TP73: variants seen among roughly 807,000 people sequenced by gnomAD.
The protein encoded by TP73 is p53-like transcription factor.
TP73 carries 25 observed loss-of-function variants against 62.5 expected under a neutral mutation model. That is an observed-to-expected ratio of 0.40 (90% confidence interval 0.29 to 0.56). The LOEUF (loss-of-function observed/expected upper bound fraction) is 0.56. Ranked by LOEUF, TP73 falls within the 20% of genes least tolerant of loss-of-function variation. The pLI, the probability that TP73 is intolerant of heterozygous loss-of-function variation, is 0.46. For missense variants in TP73, 754 were observed against 913.3 expected (o/e 0.83, Z 2.25); for synonymous variants, 423 against 377.5 (o/e 1.12, Z -1.40).
intron 1 of TP73, among the ~76,000 whole-genome samples, chr1:3,658,430 ATG>A (rs1432999053): frequency 6.6e-6 from 1 of 152,188 alleles, no homozygotes; most frequent in Non-Finnish European, 1.5e-5. Context: ...AGCGGTGCAG[ATG>A]TCCGTCCTCT....
intron 6 of TP73, among the ~76,000 whole-genome samples, chr1:3,725,731 GATA>G (rs1641470903): frequency 2.0e-5 from 2 of 99,616 alleles, no homozygotes; most frequent in Non-Finnish European, 4.0e-5. Context: ...TGGATGGATA[GATA>G]ATAAATGGGG....
At chr1:3,731,097 C>CA in intron 12 of TP73, 32 bp downstream of exon 12, 1 of 1,597,822 alleles carries the variant, frequency 6.3e-7, no homozygotes. Flanking sequence ...TGAGCATGTG[C>CA]TGTCACCCTG....
intron 6 of TP73, among the ~76,000 whole-genome samples, chr1:3,726,850 TG>T (rs1358737307): frequency 7.1e-6 from 1 of 141,190 alleles, no homozygotes; most frequent in East Asian, 2.1e-4. Flanking sequence ...GGTGGATGGA[TG>T]GGGTTGGTGG....
At chr1:3,729,776 T>C (rs1003427567) in intron 10 of TP73, 1 of 748,468 alleles carries the variant, frequency 1.3e-6, no homozygotes. Context: ...GCACAGGTCA[T>C]CCCCCTGCCT....
chr1:3,675,472 C>T lies in TP73; in HGVS notation c.-33-6861C>T, dbSNP rs147190637. On this transcript the variant is annotated intron_variant, in intron 1 of 13. Coordinates refer to ENST00000378295, the MANE Select transcript of TP73 (RefSeq NM_005427.4). Reference sequence around the variant, plus strand: ...TGTTTGCTTTAGGGGTGGCCCGGGGCGGGTGGAGTTCCTGGGGGCTTTTCC... The same window carrying T: ...TGTTTGCTTTAGGGGTGGCCCGGGGTGGGTGGAGTTCCTGGGGGCTTTTCC... Among the ~76,000 whole-genome samples the T allele has an allele frequency of 6.6e-3, 1,010 of 152,250 alleles. 36 individuals are homozygous for T. The highest frequency in any genetic ancestry group is 0.061 in the Admixed American group (934 of 15,304).
intron 1 of TP73, among the ~76,000 whole-genome samples, chr1:3,676,779 C>T (rs1259914206): frequency 6.6e-6 from 1 of 151,914 alleles, no homozygotes; most frequent in Non-Finnish European, 1.5e-5. Context: ...GAGCCTGAGG[C>T]CCTGCAAAGT....
chr1:3,725,443 A>G lies in TP73; in HGVS notation c.733-1672A>G, dbSNP rs556359131. On this transcript the variant is annotated intron_variant, in intron 6 of 13. Transcript: ENST00000378295. Reference sequence around the variant, plus strand: ...GATGGATGGGTAGGTAGGTGGGTGGATGGATGGATGGATAAATGGGGTGGG... The same window carrying G: ...GATGGATGGGTAGGTAGGTGGGTGGGTGGATGGATGGATAAATGGGGTGGG... Among the ~76,000 whole-genome samples the G allele has an allele frequency of 1.5e-3, 202 of 130,778 alleles. 2 individuals are homozygous for G. The highest frequency in any genetic ancestry group is 5.9e-3 in the African/African-American group (183 of 30,776). The allele number at this position is 130,778 out of a possible 152,430, so 85.8% of individuals were successfully genotyped here.
chr1:3,686,506 A>G (rs1165194305), intron 3 of TP73, among the ~76,000 whole-genome samples: 2 of 152,034 alleles, frequency 1.3e-5, no homozygotes, highest in Non-Finnish European at 1.5e-5. Flanking sequence ...GCTCTGCCCA[A>G]CCCCGTGGGC....
chr1:3,718,210 C>CCGGGG lies in TP73; in HGVS notation c.430-3794_430-3790dup, dbSNP rs575938054. Reference sequence around the variant, plus strand: ...GCTCCCGGCGCGCCCAAGCTCCTCCCCGGGGCGGGGCGGGGCGGGGCATCC... The same window carrying CCGGGG: ...GCTCCCGGCGCGCCCAAGCTCCTCCCCGGGGCGGGGCGGGGCGGGGCGGGGCATCC... On this transcript the variant is annotated intron_variant, in intron 4 of 13. Coordinates refer to ENST00000378295, the MANE Select transcript of TP73 (RefSeq NM_005427.4). Among the ~76,000 whole-genome samples the CCGGGG allele has an allele frequency of 8.8e-4, 134 of 152,314 alleles. 1 individual carries two copies. The highest frequency in any genetic ancestry group is 2.4e-3 in the African/African-American group (101 of 41,564).
intron 3 of TP73, among the ~76,000 whole-genome samples, chr1:3,691,254 T>C (rs1039672399): frequency 1.3e-5 from 2 of 152,176 alleles, no homozygotes; most frequent in African/African-American, 4.8e-5. Flanking sequence ...GGGTCTCTGA[T>C]GCTCCTTGGC....
intron 3 of TP73, among the ~76,000 whole-genome samples, chr1:3,702,688 C>T (rs1639273551): frequency 6.6e-6 from 1 of 152,252 alleles, no homozygotes; most frequent in Admixed American, 6.5e-5. Context: ...GCGGGAAGGC[C>T]ACCCGCTGGC....
chr1:3,669,919 T>G (rs1431269432), intron 1 of TP73, among the ~76,000 whole-genome samples: 1 of 152,210 alleles, frequency 6.6e-6, no homozygotes, highest in Non-Finnish European at 1.5e-5. Flanking sequence ...AATAGGTGTG[T>G]CCATGTGCAT....
chr1:3,702,476 C>G (rs1639251750), intron 3 of TP73, among the ~76,000 whole-genome samples: 1 of 152,150 alleles, frequency 6.6e-6, no homozygotes. Context: ...ACCCCAGCCC[C>G]CAGCCCCCAG....
chr1:3,674,997 C>T (rs1187204896), intron 1 of TP73, among the ~76,000 whole-genome samples: 2 of 151,788 alleles, frequency 1.3e-5, no homozygotes, highest in African/African-American at 4.8e-5. Context: ...ACGGTCTCCT[C>T]CCACAATGGC....
intron 4 of TP73, among the ~76,000 whole-genome samples, chr1:3,718,098 C>T (rs1011365155): frequency 1.1e-4 from 16 of 152,154 alleles, no homozygotes; most frequent in Admixed American, 5.2e-4. Context: ...AAGACCTGTC[C>T]GTTCTAGGCC....
In TP73 at chr1:3,719,318, C is replaced by A. The variant is rs182218507; in HGVS notation, c.430-2703C>A. ...TGTGCTCTGCACACAAGAGGTGCTC[C>A]ATAAATGCTCAGCAATGGGCAGCTC... is the stretch of plus-strand genomic sequence containing the variant. On this transcript the variant is annotated intron_variant, in intron 4 of 13. Coordinates refer to ENST00000378295, the MANE Select transcript of TP73 (RefSeq NM_005427.4). 2.0e-5 allele frequency among the ~76,000 whole-genome samples: 3 copies of A among 152,338 alleles called. No individual in the cohort carries two copies. In the East Asian group the frequency reaches 5.8e-4, roughly 29 times the overall value.
intron 4 of TP73, among the ~76,000 whole-genome samples, chr1:3,709,166 G>T (rs1466974584): frequency 1.3e-5 from 2 of 152,206 alleles, no homozygotes; most frequent in Non-Finnish European, 2.9e-5. Flanking sequence ...CCCACCTGCG[G>T]TTGTTTCTGA....
intron 3 of TP73, among the ~76,000 whole-genome samples, chr1:3,687,467 C>T (rs1463342113): frequency 1.3e-5 from 2 of 152,200 alleles, no homozygotes; most frequent in Admixed American, 6.5e-5. Flanking sequence ...CCTATCCTCA[C>T]CCGGACCCAC....
At chr1:3,668,034 G>C (rs1334501045) in intron 1 of TP73, among the ~76,000 whole-genome samples, 1 of 152,210 alleles carries the variant, frequency 6.6e-6, no homozygotes, top group Non-Finnish European at 1.5e-5. Flanking sequence ...AGCTGCTATT[G>C]CTCCTCCTGT....
Sources: allele counts gnomAD v4.1 joint callset (sites outside exome capture counted in the v4.1 genomes callset), GRCh38; gene constraint gnomAD v4.1.1; transcripts MANE v1.5; gene names NCBI Gene and HGNC (gene_info 2026-07-23, HGNC 2026-07-21).